RAPGEF6: variants seen among roughly 807,000 people sequenced by gnomAD.
RAPGEF6 encodes PDZ domain containing guanine nucleotide exchange factor (GEF) 2.
RAPGEF6 carries 56 observed loss-of-function variants against 171.4 expected under a neutral mutation model. That is an observed-to-expected ratio of 0.33 (90% CI 0.26 to 0.41). The LOEUF (loss-of-function observed/expected upper bound fraction) is 0.41, where lower values mean the gene tolerates loss of function less well. Among genes scored for constraint, RAPGEF6 ranks in the 10% least tolerant of loss-of-function variants. The pLI, the probability that RAPGEF6 is intolerant of heterozygous loss-of-function variation, is 1.00. For missense variants in RAPGEF6, 1,674 were observed against 1,921.4 expected, an observed-to-expected ratio of 0.87 and a Z score of 2.41; for synonymous variants, 692 against 650.1, an observed-to-expected ratio of 1.06 and a Z score of -0.98.
intron 7 of RAPGEF6, among the ~76,000 whole-genome samples, chr5:131,517,145 A>G (rs1758140590): frequency 6.6e-6 from 1 of 152,214 alleles, no homozygotes; most frequent in African/African-American, 2.4e-5. Flanking sequence ...CAAGGGCTGA[A>G]AAACCACCGA....
intron 6 of RAPGEF6, among the ~76,000 whole-genome samples, chr5:131,540,825 G>A (rs979451643): frequency 3.9e-5 from 6 of 152,098 alleles, no homozygotes; most frequent in Admixed American, 1.3e-4. Context: ...TATTGGTCCT[G>A]GTTTAATTTT....
intron 27 of RAPGEF6, 141 bp downstream of exon 27, chr5:131,428,761 C>T (rs889694451): frequency 5.8e-5 from 55 of 951,050 alleles, no homozygotes; most frequent in African/African-American, 1.7e-4. Context: ...TGCACCCTGC[C>T]GGCAGGAACT....
chr5:131,514,014 T>C (rs1435106351), intron 7 of RAPGEF6, among the ~76,000 whole-genome samples: 1 of 152,096 alleles, frequency 6.6e-6, no homozygotes, highest in Non-Finnish European at 1.5e-5. Context: ...GGTGACAGTG[T>C]GAGAACGTGT....
At chr5:131,592,693 T>C (rs1037206409) in intron 3 of RAPGEF6, among the ~76,000 whole-genome samples, 2 of 152,320 alleles carry the variant, frequency 1.3e-5, no homozygotes, top group African/African-American at 4.8e-5. Context: ...AAAACACCAA[T>C]ACTTAAAGTG....
chr5:131,514,428 T>TC (rs397718070), intron 7 of RAPGEF6, among the ~76,000 whole-genome samples: 140 of 151,868 alleles, frequency 9.2e-4, no homozygotes, highest in African/African-American at 3.3e-3. Context: ...AGAATTTTTT[T>TC]CAACGTAATA....
chr5:131,620,776 G>C (rs1765550998), intron 1 of RAPGEF6, among the ~76,000 whole-genome samples: 1 of 152,102 alleles, frequency 6.6e-6, no homozygotes, highest in African/African-American at 2.4e-5. Context: ...ATTTTTAGTA[G>C]AGACAGCATT....
chr5:131,455,692 G>T, intron 20 of RAPGEF6, 109 bp downstream of exon 20: 1 of 887,784 alleles, frequency 1.1e-6, no homozygotes, highest in Non-Finnish European at 1.7e-6. Flanking sequence ...GTAAAATAGT[G>T]TATAGTTACC....
chr5:131,429,243 T>C lies in RAPGEF6; in HGVS notation c.4466-27A>G, dbSNP rs7735563. ...TGGCATGAAAAATAAGCAATGAAAA[T>C]GTTAATGAAAAAGAAATGGAAAAAA... is the stretch of plus-strand genomic sequence containing the variant. On this transcript the variant is annotated intron_variant, in intron 26 of 27. Coordinates refer to ENST00000509018, the MANE Select transcript of RAPGEF6 (RefSeq NM_016340.6). 0.02 allele frequency: 29,216 copies of C among 1,475,422 alleles called. 2,013 individuals carry two copies. In the African/African-American group the frequency reaches 0.22, roughly 11 times the overall value. The allele number at this position is 1,475,422 out of a possible 1,614,324, so 91.4% of individuals were successfully genotyped here.
Position 131,450,345 on chromosome 5 carries a change from A to G in RAPGEF6, c.3200+2709T>C, listed in dbSNP as rs566191473. 2.6e-5 allele frequency among the ~76,000 whole-genome samples: 4 copies of G among 152,318 alleles called. No individual in the cohort carries two copies. In the South Asian group the frequency reaches 8.3e-4, roughly 32 times the overall value. On this transcript the variant is annotated intron_variant, in intron 21 of 27. Coordinates refer to ENST00000509018, the MANE Select transcript of RAPGEF6 (RefSeq NM_016340.6). ...ATAAATAAGAAGCTTAAGGAAAAAC[A>G]TTTACTTACTATAATATAAATTTTG...
rs1383389838 is a variant in RAPGEF6 at position 131,577,084 on chromosome 5, T to C, written c.282-15037A>G. On this transcript the variant is annotated intron_variant, in intron 4 of 27. Coordinates refer to ENST00000509018, the MANE Select transcript of RAPGEF6 (RefSeq NM_016340.6). ...TTTTGGTCTGGGTAGATACATTCACTGGATGGGTAGAGGCCCACAGGGTCT... is the reference window on the plus strand; with the variant it reads ...TTTTGGTCTGGGTAGATACATTCACCGGATGGGTAGAGGCCCACAGGGTCT... Among the ~76,000 whole-genome samples, 63 of 152,296 alleles carry C rather than the reference T, an allele frequency of 4.1e-4. 1 individual carries two copies. The highest frequency in any genetic ancestry group is 1.6e-4 in the Non-Finnish European group (11 of 68,020).
chr5:131,528,266 A>G (rs1759077820), intron 6 of RAPGEF6, among the ~76,000 whole-genome samples: 1 of 127,432 alleles, frequency 7.8e-6, no homozygotes, highest in South Asian at 2.2e-4. Context: ...ATAAAATAAT[A>G]TATTTATATT....
Position 131,584,552 on chromosome 5 carries a change from TA to T in RAPGEF6, c.281+7830del, listed in dbSNP as rs761120997. The stretch of plus-strand genomic sequence containing the variant: ...GCTGAATTCTGCTAAGCTGTAGACA[TA>T]AATGATTACCAGTCATTATTCCAAA... On this transcript the variant is annotated intron_variant, in intron 4 of 27. Transcript: ENST00000509018. Among the ~76,000 whole-genome samples, 330 of 152,316 alleles carry T rather than the reference TA, an allele frequency of 2.2e-3. 2 individuals are homozygous for T. Among genetic ancestry groups the T allele is most frequent in the Non-Finnish European group, 3.6e-3 (245 of 68,024 alleles).
At chr5:131,555,527 C>T (rs1761179945) in intron 5 of RAPGEF6, among the ~76,000 whole-genome samples, 1 of 151,928 alleles carries the variant, frequency 6.6e-6, no homozygotes, top group Non-Finnish European at 1.5e-5. Flanking sequence ...ATCTTGATTA[C>T]TAATGACATT....
intron 5 of RAPGEF6, among the ~76,000 whole-genome samples, chr5:131,557,188 C>T (rs1258705018): frequency 1.3e-5 from 2 of 152,148 alleles, no homozygotes; most frequent in African/African-American, 4.8e-5. Context: ...GGGGACTGCA[C>T]TAAATTTTAG....
intron 24 of RAPGEF6, chr5:131,435,857 G>A: frequency 7.0e-7 from 1 of 1,432,604 alleles, no homozygotes; most frequent in South Asian, 1.5e-5. Context: ...TTACTAAGTT[G>A]TCTGCCTAAG....
intron 25 of RAPGEF6, 44 bp from the exon 26 acceptor site, chr5:131,431,393 A>C (rs1222381299): frequency 1.6e-5 from 25 of 1,535,104 alleles, no homozygotes; most frequent in Non-Finnish European, 2.1e-5. Context: ...TGCCAGAAAA[A>C]CTATCTTCTC....
chr5:131,454,757 GAAAC>G (rs1252240080), intron 20 of RAPGEF6, among the ~76,000 whole-genome samples: 1 of 151,902 alleles, frequency 6.6e-6, no homozygotes, highest in Admixed American at 6.6e-5. Context: ...ATCGGAATAA[GAAAC>G]AAAAACAAAA....
chr5:131,619,818 C>T (rs1015698769), intron 1 of RAPGEF6, among the ~76,000 whole-genome samples: 8 of 152,112 alleles, frequency 5.3e-5, no homozygotes, highest in Admixed American at 2.0e-4. Context: ...CATTAAGCAA[C>T]GATTATAAGC....
At chr5:131,602,489 G>A (rs185587247) in intron 3 of RAPGEF6, among the ~76,000 whole-genome samples, 115 of 152,208 alleles carry the variant, frequency 7.6e-4, no homozygotes, top group South Asian at 6.2e-3. Context: ...GGCCAGGCAC[G>A]GTGGCTCACA....
Sources: allele counts gnomAD v4.1 joint callset (sites outside exome capture counted in the v4.1 genomes callset), GRCh38; gene constraint gnomAD v4.1.1; transcripts MANE v1.5; gene names NCBI Gene and HGNC (gene_info 2026-07-23, HGNC 2026-07-21).